Variants in FBLN7 observed in about 807,000 individuals in gnomAD.
FBLN7 encodes the protein fibulin-7.
A neutral mutation model predicts 44.0 loss-of-function variants in FBLN7; 31 were observed. The observed-to-expected ratio is 0.70, with a 90% confidence interval of 0.53 to 0.95. FBLN7 has a LOEUF of 0.95. FBLN7 is among the 40% of genes least tolerant of loss of function. The pLI is 0.00. For synonymous variants in FBLN7, 262 were observed against 253.4 expected (o/e 1.03, Z -0.32); for missense variants, 573 against 618.5 (o/e 0.93, Z 0.78).
At chr2:112,222,549 T>C in the FBLN7 span, among the ~76,000 whole-genome samples, 1 of 151,880 alleles carries the variant, frequency 6.6e-6, no homozygotes, top group Non-Finnish European at 1.5e-5. Context: ...AAATACTATA[T>C]GATTTCACTT....
chr2:112,138,528 G>T lies in FBLN7; in HGVS notation c.-128G>T. The T allele has an allele frequency of 7.6e-7, 1 of 1,318,624 alleles. No homozygotes were observed. Among genetic ancestry groups the T allele is most frequent in the Non-Finnish European group, 1.0e-6 (1 of 973,192 alleles). The allele number at this position is 1,318,624 out of a possible 1,614,324, so 81.7% of individuals were successfully genotyped here. Reference sequence around the variant, plus strand: ...CTCGGGGCCTCCCGCCTCCCCCCCTGCCCCAGCCGCCCCCCGGCCGCGCGG... The same window carrying T: ...CTCGGGGCCTCCCGCCTCCCCCCCTTCCCCAGCCGCCCCCCGGCCGCGCGG... On this transcript the variant is annotated 5_prime_UTR_variant, in exon 1 of 8. Transcript: ENST00000331203.
At chr2:112,161,755 C>G (rs1266355402) in intron 2 of FBLN7, among the ~76,000 whole-genome samples, 1 of 152,244 alleles carries the variant, frequency 6.6e-6, no homozygotes, top group Non-Finnish European at 1.5e-5. Context: ...TCCCAAGATT[C>G]AGGGGCTTTC....
chr2:112,239,755 T>G, the FBLN7 span, among the ~76,000 whole-genome samples: 1 of 152,122 alleles, frequency 6.6e-6, no homozygotes, highest in Non-Finnish European at 1.5e-5. Flanking sequence ...CAGCTAATTT[T>G]TGTATTTTTG....
chr2:112,233,712 A>C, the FBLN7 span, among the ~76,000 whole-genome samples: 1 of 151,884 alleles, frequency 6.6e-6, no homozygotes, highest in Non-Finnish European at 1.5e-5. Context: ...CTAACAATAC[A>C]AAAAAAATTA....
rs1681692809 is a variant in FBLN7 at position 112,160,329 on chromosome 2, G to A, written c.235+494G>A. Among the ~76,000 whole-genome samples the A allele has an allele frequency of 2.6e-5, 4 of 152,182 alleles. No homozygotes were observed. The South Asian group carries it at 8.3e-4, about 31-fold the overall frequency. On this transcript the variant is annotated intron_variant, in intron 2 of 7. Coordinates refer to ENST00000331203, the MANE Select transcript of FBLN7 (RefSeq NM_153214.3). ...TTGTAAGCCTGGTTGGTGGCAGTGG[G>A]GGTGGGGGGAGCACATTAGAAAGGC...
downstream of FBLN7, among the ~76,000 whole-genome samples, chr2:112,193,107 A>G (rs181827868): frequency 4.2e-3 from 643 of 152,304 alleles, 5 homozygotes; most frequent in African/African-American, 0.014. Context: ...AGGACCCCCC[A>G]TGGATACCAA....
intron 1 of FBLN7, among the ~76,000 whole-genome samples, chr2:112,140,927 G>A (rs529381881): frequency 2.2e-4 from 34 of 152,284 alleles, no homozygotes; most frequent in African/African-American, 7.9e-4. Context: ...GAATCTCACC[G>A]GATTTATTTG....
the FBLN7 span, among the ~76,000 whole-genome samples, chr2:112,230,232 C>G: frequency 6.6e-6 from 1 of 152,052 alleles, no homozygotes; most frequent in Admixed American, 6.6e-5. Flanking sequence ...AAAGTACTGG[C>G]AAGTGTAGAA....
intron 1 of FBLN7, among the ~76,000 whole-genome samples, chr2:112,145,599 G>A (rs1680865912): frequency 6.6e-6 from 1 of 152,080 alleles, no homozygotes; most frequent in African/African-American, 2.4e-5. Context: ...AATGGATTGT[G>A]TTTTGGGTGT....
the FBLN7 span, chr2:112,233,276 GT>G: frequency 6.3e-7 from 1 of 1,586,342 alleles, no homozygotes; most frequent in Non-Finnish European, 8.6e-7. Context: ...AATACAGACA[GT>G]TTTCACCTCT....
chr2:112,242,534 T>C, the FBLN7 span, among the ~76,000 whole-genome samples: 1 of 152,190 alleles, frequency 6.6e-6, no homozygotes, highest in Non-Finnish European at 1.5e-5. Context: ...TAATTTTTTT[T>C]CCAGAGCATA....
the FBLN7 span, among the ~76,000 whole-genome samples, chr2:112,204,292 A>G: frequency 1.3e-5 from 2 of 151,762 alleles, no homozygotes; most frequent in Non-Finnish European, 2.9e-5. Context: ...AAAAAGAAAA[A>G]CTATCTGAGC....
At chr2:112,173,422 T>C (rs1682573905) in intron 3 of FBLN7, among the ~76,000 whole-genome samples, 1 of 151,642 alleles carries the variant, frequency 6.6e-6, no homozygotes, top group South Asian at 2.1e-4. Flanking sequence ...AAGAACAGTT[T>C]AGATAAAAAT....
Position 112,144,479 on chromosome 2 carries a change from G to T in FBLN7, c.75+5749G>T, listed in dbSNP as rs549886207. Among the ~76,000 whole-genome samples, 11 of 150,940 alleles carry T rather than the reference G, an allele frequency of 7.3e-5. No individual in the cohort carries two copies. The South Asian group carries it at 2.3e-3, about 32-fold the overall frequency. On this transcript the variant is annotated intron_variant, in intron 1 of 7. Transcript: ENST00000331203. ...CATCTAAGAATCACCCAAGCTACAG[G>T]TTCCTTTTTGTTTTTGCTTTTGTTT...
intron 1 of FBLN7, among the ~76,000 whole-genome samples, chr2:112,143,848 G>T (rs1486460426): frequency 6.6e-6 from 1 of 152,092 alleles, no homozygotes; most frequent in African/African-American, 2.4e-5. Flanking sequence ...CTCGTAAAGT[G>T]CTGGGATTAT....
chr2:112,207,927 T>C, the FBLN7 span, among the ~76,000 whole-genome samples: 5 of 152,218 alleles, frequency 3.3e-5, no homozygotes, highest in Non-Finnish European at 7.3e-5. Flanking sequence ...GGGTCATTTT[T>C]AAAAAATCCG....
intron 1 of FBLN7, among the ~76,000 whole-genome samples, chr2:112,147,731 G>T (rs1573765321): frequency 6.6e-6 from 1 of 152,058 alleles, no homozygotes; most frequent in African/African-American, 2.4e-5. Flanking sequence ...TCTTTCTTTG[G>T]CTTACTCCCT....
the FBLN7 span, among the ~76,000 whole-genome samples, chr2:112,201,115 T>C: frequency 6.6e-6 from 1 of 152,140 alleles, no homozygotes; most frequent in Admixed American, 6.5e-5. Flanking sequence ...GAAAGCGAGA[T>C]GTACCCTTGC....
Position 112,167,103 on chromosome 2 carries a change from C to T in FBLN7, c.406+1932C>T, listed in dbSNP as rs140487692. ...ACGCACCCCCAAGCGGTGCTGCAAG[C>T]GAAAGCACATCTTACTTATGTGTGT... On this transcript the variant is annotated intron_variant, in intron 3 of 7. Transcript: ENST00000331203. Among the ~76,000 whole-genome samples the T allele has an allele frequency of 1.5e-4, 23 of 152,324 alleles. No individual in the cohort carries two copies. The East Asian group carries it at 3.5e-3, about 23-fold the overall frequency.
Sources: allele counts gnomAD v4.1 joint callset (sites outside exome capture counted in the v4.1 genomes callset), GRCh38; gene constraint gnomAD v4.1.1; transcripts MANE v1.5; gene names NCBI Gene and HGNC (gene_info 2026-07-23, HGNC 2026-07-21).